The following HCN2 variants were observed in gnomAD, a reference collection of about 807,000 sequenced individuals.
HCN2 encodes the protein potassium/sodium hyperpolarization-activated cyclic nucleotide-gated channel 2.
A neutral mutation model predicts 52.3 loss-of-function variants in HCN2; 20 were observed. The ratio of observed to expected loss-of-function variants is 0.38; its 90% CI spans 0.27 to 0.56. The LOEUF (loss-of-function observed/expected upper bound fraction) is 0.56, where lower values mean the gene tolerates loss of function less well. HCN2 is among the 20% of genes least tolerant of loss of function. The pLI is 0.71. For missense variants in HCN2, 981 were observed against 1,207.7 expected, an observed-to-expected ratio of 0.81 and a Z score of 2.78; for synonymous variants, 694 against 537.0, an observed-to-expected ratio of 1.29 and a Z score of -4.04.
At chr19:608,801 C>T (rs1033249376) in intron 4 of HCN2, among the ~76,000 whole-genome samples, 7 of 152,240 alleles carry the variant, frequency 4.6e-5, no homozygotes, top group Non-Finnish European at 7.4e-5. Flanking sequence ...CTTCAGGACA[C>T]GCCGGTGGCC....
rs1451530288 is a variant in HCN2, at chr19:590,352, C to T, written c.407C>T (p.Pro136Leu). The change falls in exon 1 of 8, where the codon CCG (proline) becomes CTG (leucine). Residue 136 changes from proline (P) to leucine (L), a missense_variant. This residue lies in a region of HCN2 where 215 missense variants were observed against 179.4 expected (regional missense o/e 1.20). Coordinates refer to ENST00000251287, the MANE Select transcript of HCN2 (RefSeq NM_001194.4). This position sits in a 1 kb window ranked among gnomAD's most constrained non-coding sequence, Gnocchi z 7.2. ...SCRGAASGPA[P>L]GPGPAEEAGS... ...CGCGGGGCGGCCTCGGGGCCCGCGC[C>T]GGGGCCGGGGCCGGCGGAGGAGGCG... 10 of 1,104,808 alleles carry T rather than the reference C, an allele frequency of 9.1e-6. No homozygotes were observed. Among genetic ancestry groups the T allele is most frequent in the African/African-American group, 3.4e-5 (2 of 59,540 alleles). 68.4% of individuals were successfully genotyped at this position (1,104,808 alleles called of 1,614,324 possible).
In HCN2 at chr19:615,963, CGCCGCA is replaced by C. The variant is rs747990708; in HGVS notation, c.2161_2166del (p.Pro721_Gln722del). 6.2e-7 allele frequency: 1 copy of C among 1,600,778 alleles called. No individual in the cohort carries two copies. The highest frequency in any genetic ancestry group is 8.5e-7 in the Non-Finnish European group (1 of 1,174,994). On this transcript the variant is annotated inframe_deletion, in exon 8 of 8. Coordinates refer to ENST00000251287, the MANE Select transcript of HCN2 (RefSeq NM_001194.4). ...GGCCTCTTCCCGCCGCCGCCGCCGC[CGCCGCA>C]GGTCACCTCGGCCATCGCCACGCTG...
chr19:616,578 C>A lies in HCN2; in HGVS notation c.*104C>A. Reference sequence around the variant, plus strand: ...CCCCGGCCGCCAGTCCGCCCAGAAGCCATAGACGAGACGTAGGTAGCCGTA... The same window carrying A: ...CCCCGGCCGCCAGTCCGCCCAGAAGACATAGACGAGACGTAGGTAGCCGTA... On this transcript the variant is annotated 3_prime_UTR_variant, in exon 8 of 8. Coordinates refer to ENST00000251287, the MANE Select transcript of HCN2 (RefSeq NM_001194.4). 2.9e-6 allele frequency: 2 copies of A among 693,710 alleles called. No homozygotes were observed. Among genetic ancestry groups the A allele is most frequent in the Non-Finnish European group, 3.8e-6 (2 of 530,030 alleles). 43.0% of individuals were successfully genotyped at this position (693,710 alleles called of 1,614,324 possible).
At chr19:607,896 CCTT>C in intron 3 of HCN2, 65 bp from the exon 4 acceptor site, 9 of 1,253,264 alleles carry the variant, frequency 7.2e-6, no homozygotes, top group Non-Finnish European at 7.9e-6. Context: ...GGCGCTGGGC[CCTT>C]GAGGACCGAG....
intron 1 of HCN2, among the ~76,000 whole-genome samples, chr19:595,798 A>G (rs1983011398): frequency 6.6e-6 from 1 of 152,072 alleles, no homozygotes; most frequent in Non-Finnish European, 1.5e-5. Context: ...CCATGACTCC[A>G]CAGCTGAGAG....
rs1212590505 is a variant in HCN2 at position 613,692 on chromosome 19, C to T, written c.1826-160C>T. On this transcript the variant is annotated intron_variant, in intron 6 of 7. Transcript: ENST00000251287. ...ATGGGGATGGGGCCGGGGATGGGGCCGGGGATGGGGCCGGGGATGGGGCCG... is the reference window on the plus strand; with the variant it reads ...ATGGGGATGGGGCCGGGGATGGGGCTGGGGATGGGGCCGGGGATGGGGCCG... 7.9e-3 allele frequency among the ~76,000 whole-genome samples: 152 copies of T among 19,362 alleles called. 10 individuals are homozygous for T. The highest frequency in any genetic ancestry group is 0.038 in the African/African-American group (138 of 3,636). 12.7% of individuals were successfully genotyped at this position (19,362 alleles called of 152,430 possible). A position where few individuals can be genotyped will look rare whatever the true frequency, so the allele number is the denominator to read the frequency against.
Position 590,192 on chromosome 19 carries a change from G to C in HCN2, c.247G>C (p.Gly83Arg), listed in dbSNP as rs1160197073. 4.1e-6 allele frequency: 4 copies of C among 981,436 alleles called. No individual in the cohort carries two copies. The Admixed American group carries it at 1.9e-4, about 47-fold the overall frequency. 60.8% of individuals were successfully genotyped at this position (981,436 alleles called of 1,614,324 possible). A position where few individuals can be genotyped will look rare whatever the true frequency, so the allele number is the denominator to read the frequency against. Reference protein sequence around the residue: ...GRLRSRDSSCGRPGTPGAAST... With the variant: ...GRLRSRDSSCRRPGTPGAAST... ...GCTCCGCAGCCGCGACAGCTCGTGC[G>C]GCCGCCCCGGCACCCCGGGCGCGGC... The change falls in exon 1 of 8, where the codon GGC (glycine) becomes CGC (arginine). Residue 83 changes from glycine (G) to arginine (R), a missense_variant. Physicochemically the swap from Gly to Arg is moderately radical, Grantham distance 125. Around this residue, in one of 6 missense-constraint regions of HCN2, gnomAD observed 215 missense variants for 179.4 expected, o/e 1.20. Transcript: ENST00000251287. This position sits in a 1 kb window ranked among gnomAD's most constrained non-coding sequence, Gnocchi z 7.2.
intron 5 of HCN2, among the ~76,000 whole-genome samples, chr19:612,852 TTTTTC>T (rs1201989738): frequency 7.7e-5 from 10 of 130,320 alleles, no homozygotes; most frequent in African/African-American, 2.6e-4. Context: ...CTGTTTTTTT[TTTTTC>T]CGGTAGAGAC....
At chr19:612,765 C>T (rs905113481) in intron 5 of HCN2, among the ~76,000 whole-genome samples, 3 of 143,722 alleles carry the variant, frequency 2.1e-5, no homozygotes, top group South Asian at 2.2e-4. Flanking sequence ...GGGTCTTGTT[C>T]TGCGCTCAGG....
At chr19:601,132 G>A (rs775991555) in intron 1 of HCN2, among the ~76,000 whole-genome samples, 3 of 152,316 alleles carry the variant, frequency 2.0e-5, no homozygotes, top group South Asian at 4.1e-4. Flanking sequence ...GACCAACATG[G>A]TGAAACCCTG....
At chr19:613,191 C>T (rs1302928177) in intron 5 of HCN2, 57 bp from the exon 6 acceptor site, 20 of 1,544,206 alleles carry the variant, frequency 1.3e-5, no homozygotes, top group Non-Finnish European at 1.7e-5. Context: ...AGAGGCAGGG[C>T]GAGGGGGAAG....
At chr19:597,714 C>G (rs1006039539) in intron 1 of HCN2, among the ~76,000 whole-genome samples, 1 of 114,766 alleles carries the variant, frequency 8.7e-6, no homozygotes, top group African/African-American at 3.6e-5. Context: ...CTAGGTCTTC[C>G]TGGTGGTTTC....
chr19:615,146 C>G (rs546280571), intron 7 of HCN2, among the ~76,000 whole-genome samples: 12 of 152,052 alleles, frequency 7.9e-5, no homozygotes, highest in Non-Finnish European at 1.8e-4. Flanking sequence ...ACATAATCAG[C>G]GTATACAGGT....
chr19:607,709 C>T (rs1358932514), intron 3 of HCN2, among the ~76,000 whole-genome samples: 1 of 152,244 alleles, frequency 6.6e-6, no homozygotes, highest in African/African-American at 2.4e-5. Flanking sequence ...GACCCAGACT[C>T]TCGCCCTTGG....
At chr19:593,487 A>G (rs2144503318) in intron 1 of HCN2, among the ~76,000 whole-genome samples, 1 of 152,222 alleles carries the variant, frequency 6.6e-6, no homozygotes, top group Middle Eastern at 3.4e-3. Context: ...GGGCATCGTG[A>G]CGAGCGCCTG....
At position 592,991 on chromosome 19, in the gene HCN2, G is replaced by C. The variant is rs1378200606; in HGVS notation, c.632+2414G>C. Among the ~76,000 whole-genome samples, 1 of 152,120 alleles carries C rather than the reference G, an allele frequency of 6.6e-6. No individual in the cohort carries two copies. The highest frequency in any genetic ancestry group is 1.5e-5 in the Non-Finnish European group (1 of 68,006). Reference sequence around the variant, plus strand: ...GGGATGGTATGAGGGAGAAGGATGGGGTCTTTCACAGCCTTGCCAGTGTCT... The same window carrying C: ...GGGATGGTATGAGGGAGAAGGATGGCGTCTTTCACAGCCTTGCCAGTGTCT... On this transcript the variant is annotated intron_variant, in intron 1 of 7. Coordinates refer to ENST00000251287, the MANE Select transcript of HCN2 (RefSeq NM_001194.4). This position sits in a 1 kb window ranked among gnomAD's most constrained non-coding sequence, Gnocchi z 4.8.
intron 1 of HCN2, among the ~76,000 whole-genome samples, chr19:599,775 G>A (rs1203852503): frequency 2.6e-5 from 4 of 151,930 alleles, no homozygotes; most frequent in Admixed American, 2.6e-4. Flanking sequence ...GCGACAGAGT[G>A]AGACTCTGTC....
At position 616,996 on chromosome 19, in the gene HCN2, G is replaced by A. The variant is rs186529608; in HGVS notation, c.*522G>A. 7 of 499,220 alleles carry A rather than the reference G, an allele frequency of 1.4e-5. No individual in the cohort carries two copies. The highest frequency in any genetic ancestry group is 6.8e-5 in the Admixed American group (2 of 29,320). The allele number at this position is 499,220 out of a possible 1,614,324, so 30.9% of individuals were successfully genotyped here. On this transcript the variant is annotated 3_prime_UTR_variant, in exon 8 of 8. Coordinates refer to ENST00000251287, the MANE Select transcript of HCN2 (RefSeq NM_001194.4). ...CCCGCCTCCCTCCAGCACTGGCACC[G>A]AGAGGCAGGCCTGGCTGCGCAGGGC...
chr19:615,497 G>A (rs1568369834), intron 7 of HCN2, among the ~76,000 whole-genome samples: 1 of 152,222 alleles, frequency 6.6e-6, no homozygotes, highest in Non-Finnish European at 1.5e-5. Flanking sequence ...CCGGGCGACA[G>A]AGCAAGACTC....
Sources: gnomAD v4.1 joint callset for allele counts (sites outside exome capture counted in the v4.1 genomes callset) on GRCh38, gnomAD v4.1.1 for gene constraint, gnomAD v4.1.1 regional missense constraint, Gnocchi (gnomAD v3.1) non-coding constraint, MANE v1.5 for transcripts, NCBI Gene and HGNC (gene_info 2026-07-23, HGNC 2026-07-21) for gene names.